SYN3: variants seen among roughly 807,000 people sequenced by gnomAD.
SYN3 encodes the protein synapsin III, also known as synapsin-3.
In SYN3, 35 loss-of-function variants were observed where a neutral mutation model predicts 65.8. That is an observed-to-expected ratio of 0.53 (90% CI 0.41 to 0.70). SYN3 has a LOEUF of 0.70. SYN3 is among the 30% of genes least tolerant of loss of function. The pLI is 0.00. For synonymous variants in SYN3, 270 were observed against 292.9 expected, an observed-to-expected ratio of 0.92 and a Z score of 0.80; for missense variants, 680 against 749.0, an observed-to-expected ratio of 0.91 and a Z score of 1.08.
At chr22:32,928,057 G>A (rs148597294) in intron 4 of SYN3, among the ~76,000 whole-genome samples, 46 of 152,290 alleles carry the variant, frequency 3.0e-4, no homozygotes, top group Middle Eastern at 3.4e-3. Flanking sequence ...TTGGCCGGGC[G>A]CAGTGGCTCA....
intron 6 of SYN3, among the ~76,000 whole-genome samples, chr22:32,733,168 A>G (rs1483996200): frequency 1.3e-5 from 2 of 152,158 alleles, no homozygotes; most frequent in African/African-American, 4.8e-5. Flanking sequence ...CAGATTTTCA[A>G]CTCTTGAGAA....
At chr22:32,704,159 C>A (rs1187565140) in intron 6 of SYN3, among the ~76,000 whole-genome samples, 1 of 152,046 alleles carries the variant, frequency 6.6e-6, no homozygotes, top group Non-Finnish European at 1.5e-5. Flanking sequence ...ATTATTTTGT[C>A]ACCCCAGTAC....
rs1847717599 is a variant in SYN3 at position 32,732,867 on chromosome 22, G to A, written c.711+132048C>T. Among the ~76,000 whole-genome samples, 3 of 152,118 alleles carry A rather than the reference G, an allele frequency of 2.0e-5. No individual in the cohort carries two copies. The South Asian group carries it at 6.2e-4, about 32-fold the overall frequency. ...GGGGTTTTACATATGCTGTTTCATT[G>A]AATCCTGCAATCAACTTTATAAAGC... On this transcript the variant is annotated intron_variant, in intron 6 of 13. Coordinates refer to ENST00000358763, the MANE Select transcript of SYN3 (RefSeq NM_003490.4).
intron 6 of SYN3, among the ~76,000 whole-genome samples, chr22:32,760,575 AG>A (rs1292310922): frequency 3.9e-5 from 6 of 152,054 alleles, no homozygotes; most frequent in African/African-American, 1.4e-4. Context: ...AGGCACATGC[AG>A]GGCCCCCCGT....
At chr22:32,566,296 A>T (rs2058671504) in intron 7 of SYN3, among the ~76,000 whole-genome samples, 1 of 152,202 alleles carries the variant, frequency 6.6e-6, no homozygotes, top group African/African-American at 2.4e-5. Flanking sequence ...CAATAGAGGC[A>T]TGTGTCAAGC....
chr22:32,612,683 GA>G (rs1047827378), intron 6 of SYN3, among the ~76,000 whole-genome samples: 49 of 151,018 alleles, frequency 3.2e-4, no homozygotes, highest in African/African-American at 1.2e-3. Flanking sequence ...CTCTATAAAA[GA>G]AAAAAAAATT....
At chr22:32,593,758 G>C (rs2059159259) in intron 7 of SYN3, among the ~76,000 whole-genome samples, 1 of 152,188 alleles carries the variant, frequency 6.6e-6, no homozygotes, top group Non-Finnish European at 1.5e-5. Context: ...GGAAAAAGGT[G>C]ACTCGGGAGT....
intron 2 of SYN3, among the ~76,000 whole-genome samples, chr22:32,982,700 C>A (rs2052406122): frequency 6.6e-6 from 1 of 152,156 alleles, no homozygotes; most frequent in Non-Finnish European, 1.5e-5. Context: ...CTAACACCTA[C>A]CAGAGTGCTT....
intron 6 of SYN3, among the ~76,000 whole-genome samples, chr22:32,769,745 G>A (rs182762820): frequency 2.0e-5 from 3 of 152,128 alleles, no homozygotes; most frequent in Non-Finnish European, 4.4e-5. Context: ...TCGAACTCCC[G>A]ACCTCAGATG....
At chr22:32,740,147 G>A (rs947611766) in intron 6 of SYN3, among the ~76,000 whole-genome samples, 2 of 152,246 alleles carry the variant, frequency 1.3e-5, no homozygotes, top group African/African-American at 2.4e-5. Flanking sequence ...AAGGGCAGGT[G>A]TGTGAAGAGG....
At chr22:32,697,798 G>A (rs1164839807) in intron 6 of SYN3, among the ~76,000 whole-genome samples, 2 of 152,136 alleles carry the variant, frequency 1.3e-5, no homozygotes, top group African/African-American at 4.8e-5. Flanking sequence ...TTCCGAGTCT[G>A]GTCACTTGAC....
intron 7 of SYN3, among the ~76,000 whole-genome samples, chr22:32,575,893 C>CAA (rs58954908): frequency 4.6e-5 from 7 of 150,926 alleles, no homozygotes; most frequent in South Asian, 2.1e-4. Flanking sequence ...ACAAAACAAA[C>CAA]AAAAAAAAAC....
chr22:32,674,567 A>T (rs1822346278), intron 6 of SYN3, among the ~76,000 whole-genome samples: 1 of 152,154 alleles, frequency 6.6e-6, no homozygotes, highest in Admixed American at 6.6e-5. Context: ...CAGGATTGGG[A>T]GGATTTACCA....
At chr22:32,613,924 TAC>T (rs1250137125) in intron 6 of SYN3, among the ~76,000 whole-genome samples, 1 of 152,212 alleles carries the variant, frequency 6.6e-6, no homozygotes, top group Non-Finnish European at 1.5e-5. Flanking sequence ...CACTTAAAAC[TAC>T]AGTCTTTGAA....
intron 6 of SYN3, among the ~76,000 whole-genome samples, chr22:32,723,663 C>A (rs1344077528): frequency 6.6e-6 from 1 of 152,254 alleles, no homozygotes; most frequent in Non-Finnish European, 1.5e-5. Flanking sequence ...CTGGGCTCGG[C>A]TCCCAGGAGG....
intron 6 of SYN3, among the ~76,000 whole-genome samples, chr22:32,841,110 T>C (rs1367698712): frequency 6.6e-6 from 1 of 152,228 alleles, no homozygotes; most frequent in Non-Finnish European, 1.5e-5. Flanking sequence ...TGGCACTTTA[T>C]ACAAGAAATC....
At chr22:32,680,069 T>C (rs1287970990) in intron 6 of SYN3, among the ~76,000 whole-genome samples, 1 of 152,120 alleles carries the variant, frequency 6.6e-6, no homozygotes, top group African/African-American at 2.4e-5. Context: ...ATGCCTGACA[T>C]GTAATAGAGG....
At chr22:32,768,746 C>A (rs1569209587) in intron 6 of SYN3, among the ~76,000 whole-genome samples, 1 of 152,174 alleles carries the variant, frequency 6.6e-6, no homozygotes, top group Non-Finnish European at 1.5e-5. Flanking sequence ...TTCCTGAGCC[C>A]ATTCATTCTC....
Position 32,608,791 on chromosome 22 carries a change from G to C in SYN3, c.712-12055C>G, listed in dbSNP as rs78407934. On this transcript the variant is annotated intron_variant, in intron 6 of 13. Coordinates refer to ENST00000358763, the MANE Select transcript of SYN3 (RefSeq NM_003490.4). ...GGGAATAAGCACACCCAAAATCGAC[G>C]TTGTTGTGAAGATTTGAGTTTTCAT... Among the ~76,000 whole-genome samples the C allele has an allele frequency of 4.5e-3, 688 of 152,182 alleles. 6 individuals are homozygous for C. Among genetic ancestry groups the C allele is most frequent in the African/African-American group, 0.016 (657 of 41,536 alleles).
Sources: gnomAD v4.1 joint callset for allele counts (sites outside exome capture counted in the v4.1 genomes callset) on GRCh38, gnomAD v4.1.1 for gene constraint, MANE v1.5 for transcripts, NCBI Gene and HGNC (gene_info 2026-07-23, HGNC 2026-07-21) for gene names.